PITPNM2: variants seen among roughly 807,000 people sequenced by gnomAD.
PITPNM2 encodes membrane-associated phosphatidylinositol transfer protein 2.
PITPNM2 carries 35 observed loss-of-function variants against 132.2 expected under a neutral mutation model. The observed-to-expected ratio is 0.26, with a 90% CI of 0.20 to 0.35. PITPNM2 has a LOEUF of 0.35. Ranked by LOEUF, PITPNM2 falls within the 10% of genes least tolerant of loss-of-function variation. The pLI is 1.00. For missense variants in PITPNM2, 1,332 were observed against 1,912.0 expected, an observed-to-expected ratio of 0.70 and a Z score of 5.66; for synonymous variants, 738 against 799.2, an observed-to-expected ratio of 0.92 and a Z score of 1.29.
chr12:123,055,059 T>A (rs1592977435), intron 2 of PITPNM2, among the ~76,000 whole-genome samples: 1 of 151,518 alleles, frequency 6.6e-6, no homozygotes, highest in Non-Finnish European at 1.5e-5. Flanking sequence ...CAAAACTCAG[T>A]CTCAAAAAAA....
rs1270408353 is a variant in PITPNM2 at position 122,988,236 on chromosome 12, G to C, written c.2995C>G (p.Arg999Gly). Residue 999 changes from arginine (R) to glycine (G), a missense_variant and splice_region_variant, in exon 20 of 26, where the codon CGG becomes GGG. Arg to Gly is a moderately radical substitution (Grantham distance 125). Coordinates refer to ENST00000320201, the MANE Select transcript of PITPNM2 (RefSeq NM_020845.3). ...WQRKRTHVKL[R>G]NVTANHRIND... is the part of the protein sequence containing the mutation. The stretch of plus-strand genomic sequence containing the variant: ...CTGGGCGCCCGGGGGACCCTCACCC[G>C]CAGCTTCACGTGGGTCCGCTTGCGC... 6.2e-7 allele frequency: 1 copy of C among 1,612,132 alleles called. No homozygotes were observed. The highest frequency in any genetic ancestry group is 1.3e-5 in the African/African-American group (1 of 74,902).
At chr12:123,024,348 GTGGCAAACAGTT>G (rs2039778626) in intron 3 of PITPNM2, among the ~76,000 whole-genome samples, 1 of 152,210 alleles carries the variant, frequency 6.6e-6, no homozygotes, top group African/African-American at 2.4e-5. Flanking sequence ...TGCAGCTGCT[GTGGCAAACAGTT>G]TGGCGGTTCC....
At chr12:123,134,641 A>G (rs193231349) in intron 1 of PITPNM2, among the ~76,000 whole-genome samples, 6 of 152,320 alleles carry the variant, frequency 3.9e-5, no homozygotes, top group Admixed American at 3.9e-4. Flanking sequence ...TACAAGGGAA[A>G]AAAAAAAGGT....
intron 1 of PITPNM2, among the ~76,000 whole-genome samples, chr12:123,145,675 T>C (rs1467261343): frequency 6.6e-6 from 1 of 152,188 alleles, no homozygotes; most frequent in Non-Finnish European, 1.5e-5. Context: ...GCCTGTTGGT[T>C]AATCTCCTTT....
At chr12:123,113,546 C>A (rs1040494965) in intron 1 of PITPNM2, among the ~76,000 whole-genome samples, 2 of 152,040 alleles carry the variant, frequency 1.3e-5, no homozygotes, top group Non-Finnish European at 2.9e-5. Flanking sequence ...TACAAAAATT[C>A]ATAAATTAGC....
At chr12:123,124,364 G>A (rs1188308659) in intron 1 of PITPNM2, among the ~76,000 whole-genome samples, 1 of 151,884 alleles carries the variant, frequency 6.6e-6, no homozygotes, top group Non-Finnish European at 1.5e-5. Context: ...CCCATGAGAC[G>A]GAAGCTGCAG....
At chr12:123,129,245 G>C (rs1300053718) in intron 1 of PITPNM2, among the ~76,000 whole-genome samples, 1 of 152,118 alleles carries the variant, frequency 6.6e-6, no homozygotes, top group Non-Finnish European at 1.5e-5. Flanking sequence ...AGGCCAGCCT[G>C]GGCAACATGG....
chr12:122,988,554 T>C (rs1278674784), intron 19 of PITPNM2, among the ~76,000 whole-genome samples, 170 bp downstream of exon 19: 2 of 152,130 alleles, frequency 1.3e-5, no homozygotes, highest in Admixed American at 6.5e-5. Context: ...TCCATCCCAA[T>C]GTCCTGAAAA....
Position 123,012,688 on chromosome 12 carries a change from A to T in PITPNM2, c.340T>A (p.Phe114Ile). The stretch of plus-strand genomic sequence containing the variant: ...TTTTCTCCAGCATCAGTTTTATAAA[A>T]GGTTTCAATGTCGATGGAGAATTTC... Reference protein sequence around the residue: ...VEKFSIDIETFYKTDAGENPD... With the variant: ...VEKFSIDIETIYKTDAGENPD... Residue 114 changes from phenylalanine to isoleucine, a missense_variant, in exon 5 of 26, where the codon TTT becomes ATT. Around this residue, in one of 6 missense-constraint regions of PITPNM2, gnomAD observed 122 missense variants for 209.6 expected, o/e 0.58. Transcript: ENST00000320201. 6.2e-7 allele frequency: 1 copy of T among 1,614,142 alleles called. No homozygotes were observed. Among genetic ancestry groups the T allele is most frequent in the Non-Finnish European group, 8.5e-7 (1 of 1,179,974 alleles).
intron 2 of PITPNM2, among the ~76,000 whole-genome samples, chr12:123,109,717 G>A (rs1483748819): frequency 1.3e-5 from 2 of 152,178 alleles, no homozygotes; most frequent in Non-Finnish European, 1.5e-5. Context: ...ACTAAGGGTA[G>A]AGCAGGCCAG....
In PITPNM2 at chr12:123,150,573, ACCCTCCTCCCTGCCCGGGTCTCCGCT is replaced by A. The variant is rs2043714332; in HGVS notation, c.-200+154_-200+179del. 6.8e-6 allele frequency among the ~76,000 whole-genome samples: 1 copy of A among 148,004 alleles called. No individual in the cohort carries two copies. Among genetic ancestry groups the A allele is most frequent in the African/African-American group, 2.5e-5 (1 of 39,830 alleles). On this transcript the variant is annotated intron_variant, in intron 1 of 25. Transcript: ENST00000320201. The surrounding 1 kb of genome is among the most constrained non-coding windows in gnomAD (Gnocchi z 6.0). ...CCCGAGCGGGGCTCCCGTACGCCAC[ACCCTCCTCCCTGCCCGGGTCTCCGCT>A]CCCTCCTCCAGCCCCCGGCGGGCTG...
At chr12:123,081,426 C>T (rs75625781) in intron 2 of PITPNM2, 2 of 152,320 alleles carry the variant, frequency 1.3e-5, no homozygotes, top group South Asian at 2.1e-4. Context: ...GGTCCCCCCC[C>T]ACTCCTTAAT....
In PITPNM2 at chr12:123,095,739, G is replaced by A. The variant is rs555302282; in HGVS notation, c.-96+14646C>T. Among the ~76,000 whole-genome samples the A allele has an allele frequency of 6.6e-5, 10 of 152,250 alleles. No individual in the cohort carries two copies. In the South Asian group the frequency reaches 1.5e-3, roughly 22 times the overall value. On this transcript the variant is annotated intron_variant, in intron 2 of 25. Coordinates refer to ENST00000320201, the MANE Select transcript of PITPNM2 (RefSeq NM_020845.3). This position sits in a 1 kb window ranked among gnomAD's most constrained non-coding sequence, Gnocchi z 5.0. ...GAGCCCATGGGGCTCCTCCTGCCTCGGGGCCATTGTGAAGGCGGTTCCCTC... is the reference window on the plus strand; with the variant it reads ...GAGCCCATGGGGCTCCTCCTGCCTCAGGGCCATTGTGAAGGCGGTTCCCTC...
At chr12:123,135,643 T>C (rs1487183351) in intron 1 of PITPNM2, among the ~76,000 whole-genome samples, 1 of 152,246 alleles carries the variant, frequency 6.6e-6, no homozygotes, top group Non-Finnish European at 1.5e-5. Context: ...TTCTATTTCA[T>C]GTAACATAAT....
chr12:123,073,411 G>A (rs2041674791), intron 2 of PITPNM2, among the ~76,000 whole-genome samples: 1 of 152,090 alleles, frequency 6.6e-6, no homozygotes, highest in African/African-American at 2.4e-5. Context: ...GGAATGCCTT[G>A]TCTCTAACAA....
chr12:123,146,511 T>G (rs1400371815), intron 1 of PITPNM2, among the ~76,000 whole-genome samples: 2 of 151,916 alleles, frequency 1.3e-5, no homozygotes, highest in South Asian at 2.1e-4. Flanking sequence ...GGAGAATCGC[T>G]TGAATCTGGG....
chr12:123,067,334 T>C (rs1002043144), intron 2 of PITPNM2, among the ~76,000 whole-genome samples: 5 of 152,114 alleles, frequency 3.3e-5, no homozygotes, highest in Non-Finnish European at 7.3e-5. Context: ...CACATGCTTG[T>C]AATCCCAGCT....
chr12:123,099,477 C>G lies in PITPNM2; in HGVS notation c.-96+10908G>C, dbSNP rs550073749. On this transcript the variant is annotated intron_variant, in intron 2 of 25. Transcript: ENST00000320201. The surrounding 1 kb of genome is among the most constrained non-coding windows in gnomAD (Gnocchi z 4.2). Reference sequence around the variant, plus strand: ...TTTGTGCCTGTGGGCTGACGAAGCCCTGGGGGCTCTGGGCCCTACCTGCAG... The same window carrying G: ...TTTGTGCCTGTGGGCTGACGAAGCCGTGGGGGCTCTGGGCCCTACCTGCAG... 3.9e-5 allele frequency among the ~76,000 whole-genome samples: 6 copies of G among 152,304 alleles called. No individual in the cohort carries two copies. Among genetic ancestry groups the G allele is most frequent in the Admixed American group, 1.3e-4 (2 of 15,300 alleles).
In PITPNM2 at chr12:123,078,249, A is replaced by T. The variant is rs551595419; in HGVS notation, c.-96+32136T>A. ...TGCCAGAGGGAAGGCATCAGCAGAG[A>T]GCCAATCCCACAGTTCTGCTGCTGC... On this transcript the variant is annotated intron_variant, in intron 2 of 25. Coordinates refer to ENST00000320201, the MANE Select transcript of PITPNM2 (RefSeq NM_020845.3). This position sits in a 1 kb window ranked among gnomAD's most constrained non-coding sequence, Gnocchi z 7.3. 2.4e-4 allele frequency among the ~76,000 whole-genome samples: 37 copies of T among 152,268 alleles called. No individual in the cohort carries two copies. The highest frequency in any genetic ancestry group is 8.7e-4 in the African/African-American group (36 of 41,562).
Sources: gnomAD v4.1 joint callset for allele counts (sites outside exome capture counted in the v4.1 genomes callset) on GRCh38, gnomAD v4.1.1 for gene constraint, gnomAD v4.1.1 regional missense constraint, Gnocchi (gnomAD v3.1) non-coding constraint, MANE v1.5 for transcripts, NCBI Gene and HGNC (gene_info 2026-07-23, HGNC 2026-07-21) for gene names.